Variants in SERPINF2 observed in about 807,000 individuals in gnomAD.
SERPINF2 encodes the protein serpin family F member 2, also known as alpha-2-antiplasmin.
In SERPINF2, 15 loss-of-function variants were observed where a neutral mutation model predicts 45.0. The ratio of observed to expected loss-of-function variants is 0.33; its 90% CI spans 0.22 to 0.51. SERPINF2 has a LOEUF of 0.51. Among genes scored for constraint, SERPINF2 ranks in the 20% least tolerant of loss-of-function variants. SERPINF2 has a pLI of 0.97. For missense variants in SERPINF2, 518 were observed against 637.4 expected, an observed-to-expected ratio of 0.81 and a Z score of 2.02; for synonymous variants, 283 against 277.9, an observed-to-expected ratio of 1.02 and a Z score of -0.18.
chr17:1,745,895 C>G lies in SERPINF2; in HGVS notation c.353C>G (p.Ser118Cys). The G allele has an allele frequency of 6.2e-7, 1 of 1,614,046 alleles. No individual in the cohort carries two copies. Among genetic ancestry groups the G allele is most frequent in the South Asian group, 1.1e-5 (1 of 91,082 alleles). Reference sequence around the variant, plus strand: ...CCCCTGAGTGTGGCCCTGGCGCTGTCTCACCTGGCACTAGGTACCCTGGCA... The same window carrying G: ...CCCCTGAGTGTGGCCCTGGCGCTGTGTCACCTGGCACTAGGTACCCTGGCA... ...LSPLSVALAL[S>C]HLALGAQNHT... Residue 118 changes from serine to cysteine, a missense_variant, in exon 5 of 10, where the codon TCT becomes TGT. By Grantham distance (112) the Ser-to-Cys change is moderately radical (BLOSUM62 -1). This residue lies in a region of SERPINF2 where 435 missense variants were observed against 577.3 expected (regional missense o/e 0.75). Coordinates refer to ENST00000453066, the MANE Select transcript of SERPINF2 (RefSeq NM_000934.4). The surrounding 1 kb of genome is among the most constrained non-coding windows in gnomAD (Gnocchi z 6.2).
chr17:1,743,184 G>T, intron 1 of SERPINF2: 2 of 853,604 alleles, frequency 2.3e-6, no homozygotes, highest in Non-Finnish European at 2.8e-6. Flanking sequence ...GTGGGCTGGA[G>T]GTAGCTGAGA....
rs1905775897 is a variant in SERPINF2 at position 1,745,920 on chromosome 17, A to C, written c.367+11A>C. On this transcript the variant is annotated intron_variant, in intron 5 of 9. Transcript: ENST00000453066. This position sits in a 1 kb window ranked among gnomAD's most constrained non-coding sequence, Gnocchi z 6.2. Reference sequence around the variant, plus strand: ...CTCACCTGGCACTAGGTACCCTGGCACCACTTGTCCAGACCAAGAGAGCTG... The same window carrying C: ...CTCACCTGGCACTAGGTACCCTGGCCCCACTTGTCCAGACCAAGAGAGCTG... 1.2e-6 allele frequency: 2 copies of C among 1,612,210 alleles called. No individual in the cohort carries two copies. Among genetic ancestry groups the C allele is most frequent in the Non-Finnish European group, 8.5e-7 (1 of 1,179,514 alleles).
chr17:1,742,915 G>C lies in SERPINF2; in HGVS notation c.-5+7G>C. On this transcript the variant is annotated splice_region_variant and intron_variant, in intron 1 of 9. Transcript: ENST00000453066. ...CAGCAAGGAGCCCGCAGAGGTATGAGGGGAGGGGCTGCTCGGCCTGCTCCT... is the reference window on the plus strand; with the variant it reads ...CAGCAAGGAGCCCGCAGAGGTATGACGGGAGGGGCTGCTCGGCCTGCTCCT... The C allele has an allele frequency of 7.1e-6, 7 of 985,466 alleles. No individual in the cohort carries two copies. Among genetic ancestry groups the C allele is most frequent in the Middle Eastern group, 5.2e-4 (1 of 1,914 alleles). The allele number at this position is 985,466 out of a possible 1,614,324, so 61.0% of individuals were successfully genotyped here.
At chr17:1,753,134 G>A (rs895711128) in intron 9 of SERPINF2, among the ~76,000 whole-genome samples, 1 of 152,224 alleles carries the variant, frequency 6.6e-6, no homozygotes, top group Non-Finnish European at 1.5e-5. Context: ...GCTGGGTGGA[G>A]TGGCTCATGC....
chr17:1,745,969 T>C lies in SERPINF2; in HGVS notation c.367+60T>C. 1.3e-6 allele frequency: 2 copies of C among 1,568,890 alleles called. No homozygotes were observed. Among genetic ancestry groups the C allele is most frequent in the South Asian group, 1.1e-5 (1 of 90,112 alleles). ...TGGGAGGCCAGTAGGAACTCAGTAC[T>C]CCAATGGTTCTCCGCGGGCGGTTCC... On this transcript the variant is annotated intron_variant, in intron 5 of 9. Coordinates refer to ENST00000453066, the MANE Select transcript of SERPINF2 (RefSeq NM_000934.4). This position sits in a 1 kb window ranked among gnomAD's most constrained non-coding sequence, Gnocchi z 6.2.
Position 1,754,678 on chromosome 17 carries a change from T to TG in SERPINF2, c.*144_*145insG. 1 of 257,068 alleles carries TG rather than the reference T, an allele frequency of 3.9e-6. No homozygotes were observed. 15.9% of individuals were successfully genotyped at this position (257,068 alleles called of 1,614,324 possible). On this transcript the variant is annotated 3_prime_UTR_variant, in exon 10 of 10. Coordinates refer to ENST00000453066, the MANE Select transcript of SERPINF2 (RefSeq NM_000934.4). ...TTCTTTCCCAACACCTCTTGGGGAG[T>TG]TTAGGGTGGGGGGGGGGCGCGGCTG...
intron 7 of SERPINF2, 75 bp downstream of exon 7, chr17:1,747,587 A>G: frequency 6.7e-7 from 1 of 1,499,278 alleles, no homozygotes. Context: ...GTTTTTTGAG[A>G]CAAGTCTCGC....
chr17:1,748,465 T>C lies in SERPINF2; in HGVS notation c.716-133T>C, dbSNP rs1449770525. The C allele has an allele frequency of 4.3e-6, 5 of 1,167,062 alleles. No homozygotes were observed. In the Admixed American group the frequency reaches 6.7e-5, roughly 16 times the overall value. 72.3% of individuals were successfully genotyped at this position (1,167,062 alleles called of 1,614,324 possible). A position where few individuals can be genotyped will look rare whatever the true frequency, so the allele number is the denominator to read the frequency against. On this transcript the variant is annotated intron_variant, in intron 7 of 9. Transcript: ENST00000453066. ...TTGGCCTCCACCGCTGTCTCATCCTTGAATGGATTCTGGGTGGGACAGGCA... is the reference window on the plus strand; with the variant it reads ...TTGGCCTCCACCGCTGTCTCATCCTCGAATGGATTCTGGGTGGGACAGGCA...
Position 1,745,899 on chromosome 17 carries a change from C to T in SERPINF2, c.357C>T (p.His119=), listed in dbSNP as rs777265581. The part of the protein sequence containing the change: ...SPLSVALALS[H]LALGAQNHTL... ...TGAGTGTGGCCCTGGCGCTGTCTCA[C>T]CTGGCACTAGGTACCCTGGCACCAC... Residue 119 remains histidine, a synonymous_variant, in exon 5 of 10, where the codon CAC becomes CAT. Coordinates refer to ENST00000453066, the MANE Select transcript of SERPINF2 (RefSeq NM_000934.4). This position sits in a 1 kb window ranked among gnomAD's most constrained non-coding sequence, Gnocchi z 6.2. 9 of 1,614,026 alleles carry T rather than the reference C, an allele frequency of 5.6e-6. No homozygotes were observed. The South Asian group carries it at 8.8e-5, about 16-fold the overall frequency.
At position 1,754,685 on chromosome 17, in the gene SERPINF2, T is replaced by TGGGGG. The variant is rs67887323; in HGVS notation, c.*157_*161dup. ...CCAACACCTCTTGGGGAGTTTAGGG[T>TGGGGG]GGGGGGGGGGCGCGGCTGGGAGGAG... On this transcript the variant is annotated 3_prime_UTR_variant, in exon 10 of 10. Coordinates refer to ENST00000453066, the MANE Select transcript of SERPINF2 (RefSeq NM_000934.4). 6.3e-4 allele frequency: 115 copies of TGGGGG among 181,200 alleles called. No homozygotes were observed. In the Middle Eastern group the frequency reaches 7.0e-3, roughly 11 times the overall value. The allele number at this position is 181,200 out of a possible 1,614,324, so 11.2% of individuals were successfully genotyped here. A position where few individuals can be genotyped will look rare whatever the true frequency, so the allele number is the denominator to read the frequency against.
rs371013906 is a variant in SERPINF2, at chr17:1,754,443, G to A, written c.1385G>A (p.Gly462Asp). 3.7e-6 allele frequency: 6 copies of A among 1,610,318 alleles called. No homozygotes were observed. The South Asian group carries it at 6.6e-5, about 18-fold the overall frequency. ...GNKDFLQSLKGFPRGDKLFGP... is the reference protein window; with the variant it reads ...GNKDFLQSLKDFPRGDKLFGP... ...AAGGACTTCCTCCAGAGCCTGAAAG[G>A]CTTCCCCCGCGGAGACAAGCTTTTC... is the stretch of plus-strand genomic sequence containing the variant. Residue 462 changes from glycine (G) to aspartate (D), a missense_variant, in exon 10 of 10, where the codon GGC (glycine) becomes GAC (aspartate). Physicochemically the swap from Gly to Asp is moderately conservative, Grantham distance 94 (BLOSUM62 -1). Around this residue, in one of 2 missense-constraint regions of SERPINF2, gnomAD observed 83 missense variants for 60.0 expected, o/e 1.38. Transcript: ENST00000453066.
At position 1,745,350 on chromosome 17, in the gene SERPINF2, C is replaced by A. The variant is rs375847980; in HGVS notation, c.120C>A (p.Asn40Lys). Residue 40 changes from asparagine to lysine, a missense_variant, in exon 4 of 10, where the codon AAC becomes AAA. This residue lies in a region of SERPINF2 where 435 missense variants were observed against 577.3 expected (regional missense o/e 0.75). Coordinates refer to ENST00000453066, the MANE Select transcript of SERPINF2 (RefSeq NM_000934.4). This position sits in a 1 kb window ranked among gnomAD's most constrained non-coding sequence, Gnocchi z 6.2. ...TTCCGCAGCTAACTAGCGGGCCGAA[C>A]CAGGAGCAGGTGTCCCCACTTACCC... ...PLGRQLTSGPNQEQVSPLTLL... is the reference protein window; with the variant it reads ...PLGRQLTSGPKQEQVSPLTLL... 1.2e-6 allele frequency: 2 copies of A among 1,613,104 alleles called. No homozygotes were observed. The highest frequency in any genetic ancestry group is 1.7e-6 in the Non-Finnish European group (2 of 1,179,970).
intron 9 of SERPINF2, 75 bp downstream of exon 9, chr17:1,752,865 AGTG>A: frequency 1.5e-6 from 2 of 1,305,176 alleles, no homozygotes. Context: ...TCTGGCTGGC[AGTG>A]GAGCTGAGTC....
rs1274414243 is a variant in SERPINF2, at chr17:1,745,925, T to C, written c.367+16T>C. 1.2e-6 allele frequency: 2 copies of C among 1,610,496 alleles called. No individual in the cohort carries two copies. Among genetic ancestry groups the C allele is most frequent in the South Asian group, 1.1e-5 (1 of 90,704 alleles). ...CTGGCACTAGGTACCCTGGCACCAC[T>C]TGTCCAGACCAAGAGAGCTGGGAGG... is the stretch of plus-strand genomic sequence containing the variant. On this transcript the variant is annotated intron_variant, in intron 5 of 9. Transcript: ENST00000453066. This position sits in a 1 kb window ranked among gnomAD's most constrained non-coding sequence, Gnocchi z 6.2.
Position 1,745,717 on chromosome 17 carries a change from G to T in SERPINF2, c.175G>T (p.Gly59Cys). 1 of 1,613,532 alleles carries T rather than the reference G, an allele frequency of 6.2e-7. No homozygotes were observed. The highest frequency in any genetic ancestry group is 8.5e-7 in the Non-Finnish European group (1 of 1,179,994). ...TGATCTGTCCCTGCAGGAGCCTGGT[G>T]GCCAGACTGCCCTGAAGAGTCCCCC... is the stretch of plus-strand genomic sequence containing the variant. ...LLKLGNQEPGGQTALKSPPGV... is the reference protein window; with the variant it reads ...LLKLGNQEPGCQTALKSPPGV... The change falls in exon 5 of 10, where the codon GGC (glycine) becomes TGC (cysteine). Residue 59 changes from glycine to cysteine, a missense_variant. Coordinates refer to ENST00000453066, the MANE Select transcript of SERPINF2 (RefSeq NM_000934.4). The surrounding 1 kb of genome is among the most constrained non-coding windows in gnomAD (Gnocchi z 6.2).
chr17:1,745,511 A>G lies in SERPINF2; in HGVS notation c.165+116A>G. 7.6e-7 allele frequency: 1 copy of G among 1,314,954 alleles called. No individual in the cohort carries two copies. The highest frequency in any genetic ancestry group is 1.1e-6 in the Non-Finnish European group (1 of 935,790). 81.5% of individuals were successfully genotyped at this position (1,314,954 alleles called of 1,614,324 possible). A position where few individuals can be genotyped will look rare whatever the true frequency, so the allele number is the denominator to read the frequency against. Reference sequence around the variant, plus strand: ...GCTGAGGCTCTGGAGTCCAGAGGCCAGAAGGGAGAGAGGGTGGGGAGGACC... The same window carrying G: ...GCTGAGGCTCTGGAGTCCAGAGGCCGGAAGGGAGAGAGGGTGGGGAGGACC... On this transcript the variant is annotated intron_variant, in intron 4 of 9. Coordinates refer to ENST00000453066, the MANE Select transcript of SERPINF2 (RefSeq NM_000934.4). The surrounding 1 kb of genome is among the most constrained non-coding windows in gnomAD (Gnocchi z 6.2).
intron 8 of SERPINF2, among the ~76,000 whole-genome samples, chr17:1,750,663 G>A (rs879329672): frequency 2.6e-5 from 4 of 152,140 alleles, no homozygotes; most frequent in Admixed American, 2.0e-4. Flanking sequence ...TGGTCCCCTT[G>A]GCCTGGGTAT....
At position 1,754,335 on chromosome 17, in the gene SERPINF2, T is replaced by C. The variant is rs774001411; in HGVS notation, c.1277T>C (p.Leu426Pro). 1 of 1,614,154 alleles carries C rather than the reference T, an allele frequency of 6.2e-7. No individual in the cohort carries two copies. The highest frequency in any genetic ancestry group is 1.7e-5 in the Admixed American group (1 of 60,002). Residue 426 changes from leucine (L) to proline (P), a missense_variant, in exon 10 of 10, where the codon CTT becomes CCT. By Grantham distance (98) the Leu-to-Pro change is moderately conservative. Coordinates refer to ENST00000453066, the MANE Select transcript of SERPINF2 (RefSeq NM_000934.4). ...LFFIFEDTTG[L>P]PLFVGSVRNP... ...TTCATCTTCGAGGACACCACAGGCC[T>C]TCCCCTCTTCGTGGGCAGCGTGAGG... is the stretch of plus-strand genomic sequence containing the variant.
In SERPINF2 at chr17:1,751,947, C is replaced by T. The variant is rs977033751; in HGVS notation, c.859-639C>T. Among the ~76,000 whole-genome samples the T allele has an allele frequency of 5.0e-5, 7 of 138,784 alleles. 1 individual carries two copies. Among genetic ancestry groups the T allele is most frequent in the African/African-American group, 1.2e-4 (5 of 40,898 alleles). 91.0% of individuals were successfully genotyped at this position (138,784 alleles called of 152,430 possible). On this transcript the variant is annotated intron_variant, in intron 8 of 9. Coordinates refer to ENST00000453066, the MANE Select transcript of SERPINF2 (RefSeq NM_000934.4). ...CTGGAGAAGCTGAGACAAAGACAGG[C>T]GATTCCTTACGCCGGGTCACACGGC...
Sources: gnomAD v4.1 joint callset for allele counts (sites outside exome capture counted in the v4.1 genomes callset) on GRCh38, gnomAD v4.1.1 for gene constraint, gnomAD v4.1.1 regional missense constraint, Gnocchi (gnomAD v3.1) non-coding constraint, MANE v1.5 for transcripts, NCBI Gene and HGNC (gene_info 2026-07-23, HGNC 2026-07-21) for gene names.